ATF6: variants seen among roughly 807,000 people sequenced by gnomAD.
ATF6 encodes activating transcription factor 6, also known as cyclic AMP-dependent transcription factor ATF-6 alpha.
ATF6 carries 53 observed loss-of-function variants against 83.6 expected under a neutral mutation model. The ratio of observed to expected loss-of-function variants is 0.63; its 90% CI spans 0.51 to 0.80. ATF6 has a LOEUF of 0.80. Among genes scored for constraint, ATF6 ranks in the 30% least tolerant of loss-of-function variants. ATF6 has a pLI of 0.00. For synonymous variants in ATF6, 288 were observed against 285.8 expected (o/e 1.01, Z -0.08); for missense variants, 744 against 797.9 (o/e 0.93, Z 0.81).
rs180791876 is a variant in ATF6 at position 161,771,406 on chromosome 1, C to T, written c.82+4964C>T. Among the ~76,000 whole-genome samples the T allele has an allele frequency of 1.4e-4, 21 of 152,282 alleles. No homozygotes were observed. In the East Asian group the frequency reaches 3.7e-3, roughly 27 times the overall value. On this transcript the variant is annotated intron_variant, in intron 1 of 15. Coordinates refer to ENST00000367942, the MANE Select transcript of ATF6 (RefSeq NM_007348.4). ...GGTGCTCCTGGATGACACAACTTCC[C>T]GTAATGCCCCGGTGAACGGTTGCTA...
rs749855654 is a variant in ATF6 at position 161,784,038 on chromosome 1, G to A, written c.296G>A (p.Ser99Asn). 1.9e-6 allele frequency: 3 copies of A among 1,613,806 alleles called. No homozygotes were observed. Among genetic ancestry groups the A allele is most frequent in the Non-Finnish European group, 2.5e-6 (3 of 1,179,822 alleles). Residue 99 changes from serine to asparagine, a missense_variant, in exon 4 of 16, where the codon AGT (serine) becomes AAT (asparagine). Transcript: ENST00000367942. ...CAGCCACTTTCTCCAGCCTCCTCAA[G>A]TTATTCAGTCTCGTCTCCTCGGTCA... is the stretch of plus-strand genomic sequence containing the variant. ...EPQPLSPASS[S>N]YSVSSPRSVD...
chr1:161,863,114 CAGACAT>C, intron 13 of ATF6, 78 bp from the exon 14 acceptor site: 1 of 704,304 alleles, frequency 1.4e-6, no homozygotes, highest in Non-Finnish European at 2.3e-6. Context: ...TCTTAGAATT[CAGACAT>C]AGCCTTAGAA....
chr1:161,890,322 C>T (rs748077396), intron 14 of ATF6, among the ~76,000 whole-genome samples: 3 of 152,128 alleles, frequency 2.0e-5, no homozygotes, highest in Non-Finnish European at 2.9e-5. Flanking sequence ...TGAAATGAAC[C>T]ACTTCTGATT....
At chr1:161,847,521 G>A (rs951754562) in intron 10 of ATF6, among the ~76,000 whole-genome samples, 5 of 152,080 alleles carry the variant, frequency 3.3e-5, no homozygotes, top group African/African-American at 7.2e-5. Flanking sequence ...TAGCTGCAAC[G>A]CAACATAGCA....
At chr1:161,812,107 A>G (rs1186085605) in intron 7 of ATF6, among the ~76,000 whole-genome samples, 1 of 152,154 alleles carries the variant, frequency 6.6e-6, no homozygotes, top group African/African-American at 2.4e-5. Flanking sequence ...ATAAAGTACT[A>G]TGTGCCAGGC....
intron 14 of ATF6, among the ~76,000 whole-genome samples, chr1:161,889,597 A>C (rs1038087459): frequency 5.9e-5 from 9 of 152,216 alleles, no homozygotes; most frequent in Admixed American, 5.2e-4. Context: ...CACCTGCTTC[A>C]TGTCAGGCAT....
At chr1:161,926,306 T>C (rs1688307449) in intron 15 of ATF6, among the ~76,000 whole-genome samples, 1 of 152,166 alleles carries the variant, frequency 6.6e-6, no homozygotes, top group African/African-American at 2.4e-5. Context: ...AAACAAACAT[T>C]ATCTCAGACA....
At position 161,777,937 on chromosome 1, in the gene ATF6, TG is replaced by T. The variant is rs1271840316; in HGVS notation, c.83-306del. ...ATTAACTCTTCATGCTGAACCCAGA[TG>T]TAGCATCAGAATTCTTGTTAGTAAT... On this transcript the variant is annotated intron_variant, in intron 1 of 15. Coordinates refer to ENST00000367942, the MANE Select transcript of ATF6 (RefSeq NM_007348.4). Among the ~76,000 whole-genome samples, 10 of 152,364 alleles carry T rather than the reference TG, an allele frequency of 6.6e-5. No individual in the cohort carries two copies. In the East Asian group the frequency reaches 1.9e-3, roughly 29 times the overall value.
At chr1:161,858,920 C>T (rs1193582513) in intron 12 of ATF6, among the ~76,000 whole-genome samples, 1 of 152,178 alleles carries the variant, frequency 6.6e-6, no homozygotes, top group African/African-American at 2.4e-5. Flanking sequence ...AGTCTGGCTT[C>T]TTTCAAACTT....
intron 9 of ATF6, among the ~76,000 whole-genome samples, chr1:161,844,935 A>G (rs1686446958): frequency 6.6e-6 from 1 of 152,188 alleles, no homozygotes; most frequent in Non-Finnish European, 1.5e-5. Context: ...GTGACTGCTC[A>G]GGTAAACCTT....
At chr1:161,809,355 C>A (rs1685391825) in intron 7 of ATF6, among the ~76,000 whole-genome samples, 1 of 152,150 alleles carries the variant, frequency 6.6e-6, no homozygotes. Context: ...CATCCATGTC[C>A]CTACAAAGGA....
At chr1:161,773,153 T>TTTTTTTTTTTTTTGG (rs1557952382) in intron 1 of ATF6, among the ~76,000 whole-genome samples, 1 of 150,806 alleles carries the variant, frequency 6.6e-6, no homozygotes, top group Admixed American at 6.6e-5. Flanking sequence ...TTTTTTTTTT[T>TTTTTTTTTTTTTTGG]GAGACGGAGT....
chr1:161,797,275 C>T (rs1226143852), intron 6 of ATF6, among the ~76,000 whole-genome samples: 1 of 152,036 alleles, frequency 6.6e-6, no homozygotes, highest in Non-Finnish European at 1.5e-5. Context: ...ACAAGGATGT[C>T]CCTCTCACCA....
intron 7 of ATF6, among the ~76,000 whole-genome samples, chr1:161,813,109 G>A (rs1221550346): frequency 1.3e-5 from 2 of 151,890 alleles, no homozygotes; most frequent in Admixed American, 1.3e-4. Flanking sequence ...GAAAAAAAAA[G>A]AACAAATTAC....
At chr1:161,925,424 T>C (rs1459837005) in intron 15 of ATF6, among the ~76,000 whole-genome samples, 5 of 149,248 alleles carry the variant, frequency 3.4e-5, no homozygotes, top group African/African-American at 4.9e-5. Flanking sequence ...GGCCTGAATT[T>C]AGAACTGTGT....
intron 15 of ATF6, among the ~76,000 whole-genome samples, chr1:161,923,665 T>A (rs1193849258): frequency 6.6e-6 from 1 of 152,246 alleles, no homozygotes; most frequent in Non-Finnish European, 1.5e-5. Flanking sequence ...ATAGTTTATA[T>A]TCATTGTATT....
At chr1:161,950,916 T>C (rs1688850360) in intron 15 of ATF6, among the ~76,000 whole-genome samples, 1 of 152,246 alleles carries the variant, frequency 6.6e-6, no homozygotes, top group South Asian at 2.1e-4. Flanking sequence ...TGAAATGATA[T>C]TCTTTTCTAT....
chr1:161,918,610 CA>C (rs1688146445), intron 15 of ATF6, among the ~76,000 whole-genome samples: 1 of 152,136 alleles, frequency 6.6e-6, no homozygotes, highest in Non-Finnish European at 1.5e-5. Flanking sequence ...ATTGAAAGAG[CA>C]GAGACATTGT....
chr1:161,929,446 C>T (rs923046916), intron 15 of ATF6, among the ~76,000 whole-genome samples: 1 of 152,142 alleles, frequency 6.6e-6, no homozygotes, highest in Non-Finnish European at 1.5e-5. Flanking sequence ...AGAAGAGTCT[C>T]CTTTGCAGTC....
Sources: gnomAD v4.1 joint callset for allele counts (sites outside exome capture counted in the v4.1 genomes callset) on GRCh38, gnomAD v4.1.1 for gene constraint, MANE v1.5 for transcripts, NCBI Gene and HGNC (gene_info 2026-07-23, HGNC 2026-07-21) for gene names.